Variants in APOOL observed in about 807,000 individuals in gnomAD.
APOOL encodes MICOS complex subunit MIC27.
In APOOL, 12 loss-of-function variants were observed where a neutral mutation model predicts 23.1. That is an observed-to-expected ratio of 0.52 (90% CI 0.33 to 0.84). The LOEUF (loss-of-function observed/expected upper bound fraction) is 0.84, where lower values mean the gene tolerates loss of function less well. APOOL is among the 40% of genes least tolerant of loss of function. APOOL has a pLI of 0.02. For missense variants in APOOL, 212 were observed against 199.6 expected (o/e 1.06, Z -0.37); for synonymous variants, 77 against 69.9 (o/e 1.10, Z -0.51).
intron 2 of APOOL, among the ~76,000 whole-genome samples, chrX:85,046,895 C>T (rs1280908428): frequency 2.7e-5 from 3 of 111,291 alleles, no homozygotes; most frequent in African/African-American, 9.8e-5. Flanking sequence ...TCATTAAGAT[C>T]TCAGTTTTGG....
At chrX:85,059,418 G>GTA (rs1172007910) in intron 5 of APOOL, among the ~76,000 whole-genome samples, 1 of 110,329 alleles carries the variant, frequency 9.1e-6, no homozygotes, top group Non-Finnish European at 1.9e-5. Context: ...GGGTCAAATG[G>GTA]TATTTCTAGT....
intron 1 of APOOL, among the ~76,000 whole-genome samples, chrX:85,034,178 A>T (rs1016034614): frequency 2.1e-5 from 2 of 94,613 alleles, no homozygotes; most frequent in Non-Finnish European, 3.9e-5. Flanking sequence ...TTTTCTAAAT[A>T]AAAAAAAAAT....
chrX:85,019,009 T>C (rs1921569783), intron 1 of APOOL, among the ~76,000 whole-genome samples: 1 of 111,051 alleles, frequency 9.0e-6, no homozygotes, highest in Admixed American at 9.6e-5. Context: ...TGGCTAGGGC[T>C]CTTGTGGTCT....
chrX:85,092,622 A>C lies in APOOL; in HGVS notation c.*4944A>C. ...TTGAAAGTATAATCTTCGTTAACAC[A>C]TATATTTTATTGAAGGTCTACTCTA... On this transcript the variant is annotated 3_prime_UTR_variant, in exon 9 of 9. Transcript: ENST00000373173. 1 of 1,021,127 alleles carries C rather than the reference A, an allele frequency of 9.8e-7. No individual in the cohort carries two copies. The highest frequency in any genetic ancestry group is 1.3e-6 in the Non-Finnish European group (1 of 743,830). 84.2% of individuals were successfully genotyped at this position (1,021,127 alleles called of 1,213,427 possible).
intron 6 of APOOL, among the ~76,000 whole-genome samples, chrX:85,068,352 T>A (rs915868644): frequency 9.1e-6 from 1 of 109,421 alleles, no homozygotes; most frequent in Non-Finnish European, 1.9e-5. Context: ...GGCCTCCATG[T>A]TCATTACTCC....
intron 5 of APOOL, among the ~76,000 whole-genome samples, chrX:85,061,433 T>C (rs1923216309): frequency 8.9e-6 from 1 of 112,021 alleles, no homozygotes; most frequent in African/African-American, 3.2e-5. Flanking sequence ...TTTCTATTGA[T>C]CGGAATAGTT....
chrX:85,035,375 T>C (rs1348025146), intron 1 of APOOL, among the ~76,000 whole-genome samples: 1 of 111,042 alleles, frequency 9.0e-6, no homozygotes, highest in Non-Finnish European at 1.9e-5. Flanking sequence ...TTTAGATGCA[T>C]AGTTTGTGAA....
intron 1 of APOOL, among the ~76,000 whole-genome samples, chrX:85,020,472 G>A (rs1424906312): frequency 9.0e-6 from 1 of 111,253 alleles, no homozygotes; most frequent in East Asian, 2.8e-4. Context: ...ACAATGCAGG[G>A]TAGGCCCCCA....
intron 1 of APOOL, among the ~76,000 whole-genome samples, chrX:85,034,731 G>A (rs1019479721): frequency 1.8e-5 from 2 of 111,956 alleles, no homozygotes; most frequent in Non-Finnish European, 3.8e-5. Flanking sequence ...TTCTGTTCCT[G>A]CATTAATTCA....
At position 85,067,134 on chromosome X, in the gene APOOL, G is replaced by A; in HGVS notation, c.402G>A (p.Lys134=). ...AGLVSARKGS[K]FKKITYPLGL... Reference sequence around the variant, plus strand: ...TATATTTGCATTTTATAGGTTCCAAGTTTAAGAAAATTACTTATCCTCTGG... The same window carrying A: ...TATATTTGCATTTTATAGGTTCCAAATTTAAGAAAATTACTTATCCTCTGG... The change falls in exon 6 of 9, where the codon AAG becomes AAA. Residue 134 remains lysine (K), a synonymous_variant. Coordinates refer to ENST00000373173, the MANE Select transcript of APOOL (RefSeq NM_198450.6). The A allele has an allele frequency of 8.7e-7, 1 of 1,150,157 alleles. No individual in the cohort carries two copies. Among genetic ancestry groups the A allele is most frequent in the Middle Eastern group, 2.5e-4 (1 of 3,946 alleles). 94.8% of individuals were successfully genotyped at this position (1,150,157 alleles called of 1,213,427 possible). A position where few individuals can be genotyped will look rare whatever the true frequency, so the allele number is the denominator to read the frequency against.
At chrX:85,045,050 A>C (rs1922529890) in intron 1 of APOOL, among the ~76,000 whole-genome samples, 1 of 111,751 alleles carries the variant, frequency 8.9e-6, no homozygotes, top group Non-Finnish European at 1.9e-5. Context: ...TCCCTGGTTC[A>C]TGGGGACCAT....
chrX:85,084,186 A>G lies in APOOL; in HGVS notation c.719-3404A>G, dbSNP rs755598233. Among the ~76,000 whole-genome samples the G allele has an allele frequency of 5.5e-5, 5 of 91,710 alleles. No individual in the cohort carries two copies. In the South Asian group the frequency reaches 2.9e-3, roughly 52 times the overall value. 79.6% of individuals were successfully genotyped at this position (91,710 alleles called of 115,157 possible). A position where few individuals can be genotyped will look rare whatever the true frequency, so the allele number is the denominator to read the frequency against. On this transcript the variant is annotated intron_variant, in intron 8 of 8. Coordinates refer to ENST00000373173, the MANE Select transcript of APOOL (RefSeq NM_198450.6). ...AGTCTCGCTCTGTCACCCAGGCTGG[A>G]GTGCAGTGGTGCGATCTTGGCTCAC...
intron 8 of APOOL, among the ~76,000 whole-genome samples, chrX:85,082,342 T>C (rs1028029915): frequency 9.0e-6 from 1 of 111,163 alleles, no homozygotes; most frequent in African/African-American, 3.3e-5. Context: ...CTTCTAACAC[T>C]CAGGACCCTC....
chrX:85,074,595 CT>C (rs1392339726), intron 8 of APOOL, among the ~76,000 whole-genome samples: 1 of 110,444 alleles, frequency 9.1e-6, no homozygotes, highest in Non-Finnish European at 1.9e-5. Context: ...TAATATAGAT[CT>C]TTTAATGTGA....
intron 3 of APOOL, 124 bp downstream of exon 3, chrX:85,051,632 C>A: frequency 1.1e-6 from 1 of 908,284 alleles, no homozygotes; most frequent in Non-Finnish European, 1.5e-6. Flanking sequence ...TATATTACAT[C>A]TTATGATTTT....
intron 6 of APOOL, among the ~76,000 whole-genome samples, chrX:85,069,117 T>A (rs1923572628): frequency 9.0e-6 from 1 of 111,413 alleles, no homozygotes; most frequent in Admixed American, 9.6e-5. Context: ...ATTCTTAGAG[T>A]TGAAATCCTT....
intron 5 of APOOL, among the ~76,000 whole-genome samples, chrX:85,059,427 G>A (rs998493421): frequency 1.8e-5 from 2 of 110,406 alleles, no homozygotes; most frequent in Non-Finnish European, 3.8e-5. Context: ...GGTATTTCTA[G>A]TTCTGTATCC....
chrX:85,062,633 C>T (rs1275881995), intron 5 of APOOL, among the ~76,000 whole-genome samples: 2 of 111,633 alleles, frequency 1.8e-5, no homozygotes, highest in Non-Finnish European at 3.8e-5. Flanking sequence ...TGAATCCTTT[C>T]CCCATTGCTT....
intron 8 of APOOL, among the ~76,000 whole-genome samples, chrX:85,076,302 C>T (rs975527713): frequency 7.2e-5 from 8 of 110,507 alleles, no homozygotes; most frequent in Non-Finnish European, 1.3e-4. Flanking sequence ...ACCATTTCCA[C>T]GTTTCATATG....
Sources: allele counts gnomAD v4.1 joint callset (sites outside exome capture counted in the v4.1 genomes callset), GRCh38; gene constraint gnomAD v4.1.1; transcripts MANE v1.5; gene names NCBI Gene and HGNC (gene_info 2026-07-23, HGNC 2026-07-21).